The following RAB7A variants were observed in gnomAD, a reference collection of about 807,000 sequenced individuals.
RAB7A encodes ras-related protein Rab-7a.
In RAB7A, 2 loss-of-function variants were observed where a neutral mutation model predicts 24.5. The ratio of observed to expected loss-of-function variants is 0.08; its 90% CI spans 0.03 to 0.26. The LOEUF (loss-of-function observed/expected upper bound fraction) is 0.26, where lower values mean the gene tolerates loss of function less well. RAB7A is among the 10% of genes least tolerant of loss of function. RAB7A has a pLI of 1.00. For missense variants in RAB7A, 118 were observed against 255.7 expected, an observed-to-expected ratio of 0.46 and a Z score of 3.67; for synonymous variants, 100 against 95.9, an observed-to-expected ratio of 1.04 and a Z score of -0.25.
In RAB7A at chr3:128,734,415, A is replaced by C. The variant is rs1023875933; in HGVS notation, c.-9+8056A>C. ...TGGGAGGTGGAGCTGAGATTTCACC[A>C]CTGCACTCTAGCCTGGGCGACAGAA... On this transcript the variant is annotated intron_variant, in intron 1 of 5. Transcript: ENST00000265062. Among the ~76,000 whole-genome samples, 5 of 145,902 alleles carry C rather than the reference A, an allele frequency of 3.4e-5. No individual in the cohort carries two copies. The Admixed American group carries it at 3.6e-4, about 11-fold the overall frequency.
chr3:128,802,730 A>ATC (rs202244895), intron 3 of RAB7A, among the ~76,000 whole-genome samples: 1,518 of 151,232 alleles, frequency 0.01, 36 homozygotes, highest in Non-Finnish European at 9.3e-3. Context: ...GATGGTCTTG[A>ATC]TCTCTTGACC....
intron 2 of RAB7A, among the ~76,000 whole-genome samples, chr3:128,797,385 A>G (rs7642203): frequency 4.6e-5 from 7 of 152,222 alleles, no homozygotes; most frequent in African/African-American, 1.7e-4. Context: ...ACTAGAAAAC[A>G]TATTTGGAGG....
intron 1 of RAB7A, among the ~76,000 whole-genome samples, chr3:128,764,086 G>T (rs1372590531): frequency 1.3e-5 from 2 of 152,080 alleles, no homozygotes; most frequent in Non-Finnish European, 2.9e-5. Context: ...CAAAAGGGAG[G>T]ACATGAGAAG....
At chr3:128,760,043 C>T (rs2070765496) in intron 1 of RAB7A, among the ~76,000 whole-genome samples, 1 of 152,112 alleles carries the variant, frequency 6.6e-6, no homozygotes. Context: ...TTGACTGGTC[C>T]TCAGGTGCCC....
At chr3:128,793,006 A>G (rs1263536303) in intron 1 of RAB7A, among the ~76,000 whole-genome samples, 2 of 151,476 alleles carry the variant, frequency 1.3e-5, no homozygotes, top group African/African-American at 2.4e-5. Flanking sequence ...GCGTGCCACC[A>G]TGCCCAGCTA....
chr3:128,799,854 C>T (rs187170607), intron 3 of RAB7A, among the ~76,000 whole-genome samples: 85 of 152,178 alleles, frequency 5.6e-4, no homozygotes, highest in African/African-American at 2.0e-3. Context: ...AGGGTAAGAC[C>T]ACTCTGTAGG....
At chr3:128,764,842 T>A in intron 1 of RAB7A, 1 of 1,059,260 alleles carries the variant, frequency 9.4e-7, no homozygotes, top group South Asian at 1.2e-5. Flanking sequence ...CTCATGAGAT[T>A]GGTGAAGAAA....
intron 5 of RAB7A, among the ~76,000 whole-genome samples, chr3:128,809,024 C>T (rs548192654): frequency 3.9e-5 from 6 of 152,170 alleles, no homozygotes; most frequent in East Asian, 3.9e-4. Flanking sequence ...GACTTGGCCA[C>T]GCTTACCCCC....
chr3:128,756,783 T>C (rs2070732634), intron 1 of RAB7A, among the ~76,000 whole-genome samples: 1 of 151,830 alleles, frequency 6.6e-6, no homozygotes, highest in Non-Finnish European at 1.5e-5. Context: ...ATGAAAACAG[T>C]GTGGTAATGG....
At chr3:128,740,444 A>G (rs1217110485) in intron 1 of RAB7A, among the ~76,000 whole-genome samples, 4 of 152,194 alleles carry the variant, frequency 2.6e-5, no homozygotes, top group Admixed American at 2.6e-4. Flanking sequence ...CATACTTAAA[A>G]TTTGGTTTTC....
At chr3:128,764,998 G>A (rs1410288093) in intron 1 of RAB7A, 16 of 1,591,066 alleles carry the variant, frequency 1.0e-5, no homozygotes, top group South Asian at 2.2e-5. Flanking sequence ...GCGCACCTGC[G>A]AGGTGGACGC....
At position 128,767,628 on chromosome 3, in the gene RAB7A, G is replaced by A. The variant is rs190809680; in HGVS notation, c.-8-27732G>A. On this transcript the variant is annotated intron_variant, in intron 1 of 5. Coordinates refer to ENST00000265062, the MANE Select transcript of RAB7A (RefSeq NM_004637.6). ...GTTTTGGGTATGAGAACAAGAGAAA[G>A]TGTTCCTCTTGGGAAGGACAGACGG... Among the ~76,000 whole-genome samples, 476 of 152,318 alleles carry A rather than the reference G, an allele frequency of 3.1e-3. 4 individuals are homozygous for A. The highest frequency in any genetic ancestry group is 5.4e-3 in the South Asian group (26 of 4,820).
intron 3 of RAB7A, among the ~76,000 whole-genome samples, chr3:128,804,739 A>AT (rs1489683434): frequency 6.6e-6 from 1 of 152,214 alleles, no homozygotes; most frequent in Middle Eastern, 3.4e-3. Flanking sequence ...TTCTTATGTA[A>AT]TTTTGCTTGT....
intron 1 of RAB7A, among the ~76,000 whole-genome samples, chr3:128,775,309 C>T (rs866069519): frequency 1.3e-5 from 2 of 152,174 alleles, no homozygotes; most frequent in African/African-American, 4.8e-5. Context: ...CTGTTGAGCC[C>T]CATTGTCTTG....
At chr3:128,755,556 A>G (rs2070722611) in intron 1 of RAB7A, among the ~76,000 whole-genome samples, 1 of 152,198 alleles carries the variant, frequency 6.6e-6, no homozygotes, top group Admixed American at 6.5e-5. Flanking sequence ...CTTGGAAAAG[A>G]CTAACAAAAT....
At chr3:128,770,193 A>G (rs1432721847) in intron 1 of RAB7A, among the ~76,000 whole-genome samples, 1 of 151,766 alleles carries the variant, frequency 6.6e-6, no homozygotes, top group African/African-American at 2.4e-5. Context: ...AGTAGAGACC[A>G]GTTTTCACCA....
At chr3:128,809,531 C>T (rs1179858741) in intron 5 of RAB7A, among the ~76,000 whole-genome samples, 1 of 152,226 alleles carries the variant, frequency 6.6e-6, no homozygotes, top group African/African-American at 2.4e-5. Context: ...GAAGTTAACT[C>T]TACTTGCATC....
intron 3 of RAB7A, among the ~76,000 whole-genome samples, chr3:128,803,672 AAGTG>A (rs1215085301): frequency 6.6e-6 from 1 of 152,206 alleles, no homozygotes; most frequent in Admixed American, 6.5e-5. Context: ...CTGGGGAACT[AAGTG>A]AGTCTATTAA....
At chr3:128,741,001 A>C (rs2070547805) in intron 1 of RAB7A, among the ~76,000 whole-genome samples, 2 of 151,644 alleles carry the variant, frequency 1.3e-5, no homozygotes, top group Non-Finnish European at 2.9e-5. Context: ...ATTTTGTAGA[A>C]ATTTAAGTAT....
Sources: gnomAD v4.1 joint callset for allele counts (sites outside exome capture counted in the v4.1 genomes callset) on GRCh38, gnomAD v4.1.1 for gene constraint, MANE v1.5 for transcripts, NCBI Gene and HGNC (gene_info 2026-07-23, HGNC 2026-07-21) for gene names.